Variants in FER1L6 observed in about 807,000 individuals in gnomAD.
FER1L6 encodes the protein fer-1 like family member 6.
FER1L6 carries 177 observed loss-of-function variants against 219.2 expected under a neutral mutation model. The ratio of observed to expected loss-of-function variants is 0.81; its 90% CI spans 0.71 to 0.91. The LOEUF is 0.91. FER1L6 is among the 40% of genes least tolerant of loss of function. The probability of loss-of-function intolerance (pLI) is 0.00; values close to 1 mark genes in which losing one functional copy is unlikely to be tolerated. For synonymous variants in FER1L6, 768 were observed against 824.3 expected (o/e 0.93, Z 1.17); for missense variants, 2,153 against 2,259.9 (o/e 0.95, Z 0.96).
intron 9 of FER1L6, among the ~76,000 whole-genome samples, chr8:123,976,923 C>T (rs572997415): frequency 9.8e-5 from 15 of 152,370 alleles, no homozygotes; most frequent in Middle Eastern, 3.4e-3. Flanking sequence ...TCAACTCACA[C>T]ACATGTTATC....
chr8:124,051,190 C>T (rs908420330), intron 22 of FER1L6, among the ~76,000 whole-genome samples: 10 of 152,106 alleles, frequency 6.6e-5, no homozygotes, highest in Admixed American at 6.5e-4. Flanking sequence ...CATGCCAGGT[C>T]GGCTGACACC....
intron 38 of FER1L6, 134 bp downstream of exon 38, chr8:124,101,472 C>T: frequency 2.7e-6 from 2 of 751,424 alleles, no homozygotes; most frequent in East Asian, 2.7e-5. Flanking sequence ...GGAAACATCC[C>T]AAATAGCCAT....
At position 123,864,556 on chromosome 8, in the gene FER1L6, G is replaced by C. The variant is rs548779790; in HGVS notation, c.-8+12371G>C. Among the ~76,000 whole-genome samples the C allele has an allele frequency of 8.0e-5, 12 of 149,552 alleles. 1 individual carries two copies. In the East Asian group the frequency reaches 1.7e-3, roughly 22 times the overall value. On this transcript the variant is annotated intron_variant, in intron 1 of 40. Transcript: ENST00000522917. ...TTGCTAGATTGGGGAAGTTCTCCTG[G>C]ATAATATCCTGCAGAGTGTTTTCCA...
chr8:123,858,891 C>T (rs141644287), intron 1 of FER1L6, among the ~76,000 whole-genome samples: 25 of 152,312 alleles, frequency 1.6e-4, no homozygotes, highest in African/African-American at 6.0e-4. Context: ...CTGTAGGGAC[C>T]ACTCATTTGG....
intron 1 of FER1L6, among the ~76,000 whole-genome samples, chr8:123,949,328 T>G (rs889753601): frequency 6.6e-6 from 1 of 152,118 alleles, no homozygotes; most frequent in Non-Finnish European, 1.5e-5. Context: ...GCACCCATTC[T>G]CCTATTTCCA....
At chr8:123,917,169 G>A (rs564672901) in intron 1 of FER1L6, among the ~76,000 whole-genome samples, 11 of 152,032 alleles carry the variant, frequency 7.2e-5, no homozygotes, top group South Asian at 4.2e-4. Flanking sequence ...CCATTCATCC[G>A]TCCATTTACC....
intron 10 of FER1L6, among the ~76,000 whole-genome samples, chr8:123,978,150 C>T (rs1168231249): frequency 6.6e-6 from 1 of 152,234 alleles, no homozygotes; most frequent in Non-Finnish European, 1.5e-5. Context: ...CTTCCACAAA[C>T]ACTGCTATGT....
rs73326376 is a variant in FER1L6 at position 123,956,473 on chromosome 8, A to T, written c.76+399A>T. ...GCAAGATTTTGAAAATAAGAGGATC[A>T]CAGTTACTGTGGGGGAGGCTTCACA... On this transcript the variant is annotated intron_variant, in intron 2 of 40. Coordinates refer to ENST00000522917, the MANE Select transcript of FER1L6 (RefSeq NM_001039112.2). Among the ~76,000 whole-genome samples, 1,216 of 152,322 alleles carry T rather than the reference A, an allele frequency of 8.0e-3. 23 individuals carry two copies. The highest frequency in any genetic ancestry group is 0.027 in the African/African-American group (1,114 of 41,574).
At chr8:124,099,639 A>C (rs572009606) in intron 37 of FER1L6, among the ~76,000 whole-genome samples, 18 of 152,252 alleles carry the variant, frequency 1.2e-4, no homozygotes, top group African/African-American at 3.1e-4. Flanking sequence ...TTTGCTCTCT[A>C]TGTTTAAACA....
chr8:123,934,481 T>C (rs1813905728), intron 1 of FER1L6, among the ~76,000 whole-genome samples: 2 of 152,220 alleles, frequency 1.3e-5, no homozygotes, highest in South Asian at 4.1e-4. Context: ...AGCAGACTTT[T>C]TTCTCAATTT....
chr8:123,965,958 T>C, intron 3 of FER1L6, 49 bp from the exon 4 acceptor site: 3 of 1,448,512 alleles, frequency 2.1e-6, no homozygotes, highest in Middle Eastern at 1.8e-4. Context: ...TCATGACTTA[T>C]GGATATTCTT....
At chr8:124,114,101 C>T (rs1314156963) in intron 39 of FER1L6, among the ~76,000 whole-genome samples, 2 of 152,134 alleles carry the variant, frequency 1.3e-5, no homozygotes, top group Admixed American at 1.3e-4. Flanking sequence ...ATCTGTCTGT[C>T]TAAGCTATTG....
chr8:123,935,969 C>T (rs372601530), intron 1 of FER1L6, among the ~76,000 whole-genome samples: 96 of 150,266 alleles, frequency 6.4e-4, no homozygotes, highest in African/African-American at 2.2e-3. Flanking sequence ...AAAATCAAAT[C>T]TGAAAATGTT....
chr8:124,072,850 A>G (rs1821134912), intron 31 of FER1L6, among the ~76,000 whole-genome samples: 1 of 152,222 alleles, frequency 6.6e-6, no homozygotes, highest in Non-Finnish European at 1.5e-5. Context: ...AATTTTGTTC[A>G]GGAAGTCACT....
At chr8:123,979,965 T>C (rs76132243) in intron 10 of FER1L6, among the ~76,000 whole-genome samples, 4,025 of 152,258 alleles carry the variant, frequency 0.026, 83 homozygotes, top group South Asian at 0.053. Flanking sequence ...CACATGCTCC[T>C]CCCTCTAGCC....
chr8:123,910,048 A>G (rs541022972), intron 1 of FER1L6, among the ~76,000 whole-genome samples: 1 of 152,318 alleles, frequency 6.6e-6, no homozygotes, highest in East Asian at 1.9e-4. Flanking sequence ...AGCAGTGATA[A>G]TCATGGCACC....
At chr8:124,087,924 CCAAA>C (rs1275561610) in intron 33 of FER1L6, among the ~76,000 whole-genome samples, 3 of 152,132 alleles carry the variant, frequency 2.0e-5, no homozygotes, top group African/African-American at 7.2e-5. Flanking sequence ...TTTCTTTTCC[CCAAA>C]CAAATGGGGT....
chr8:124,016,215 G>A (rs573565850), intron 15 of FER1L6, among the ~76,000 whole-genome samples: 1 of 152,164 alleles, frequency 6.6e-6, no homozygotes, highest in African/African-American at 2.4e-5. Context: ...ACAAGAAAAG[G>A]CAGGAATGGG....
chr8:124,011,736 T>G (rs1417480666), intron 14 of FER1L6, among the ~76,000 whole-genome samples: 1 of 151,408 alleles, frequency 6.6e-6, no homozygotes, highest in Admixed American at 6.6e-5. Context: ...TCCTCCTGCC[T>G]CAGCCCCCAA....
Sources: allele counts gnomAD v4.1 joint callset (sites outside exome capture counted in the v4.1 genomes callset), GRCh38; gene constraint gnomAD v4.1.1; transcripts MANE v1.5; gene names NCBI Gene and HGNC (gene_info 2026-07-23, HGNC 2026-07-21).